The following ZNF518A variants were observed in gnomAD, a reference collection of about 807,000 sequenced individuals.
ZNF518A encodes zinc finger protein 518A, also known as zinc finger protein 518.
In ZNF518A, 47 loss-of-function variants were observed where a neutral mutation model predicts 102.7. That is an observed-to-expected ratio of 0.46 (90% confidence interval 0.36 to 0.58). ZNF518A has a LOEUF of 0.58. ZNF518A is among the 20% of genes least tolerant of loss of function. ZNF518A has a pLI of 0.00. For missense variants in ZNF518A, 1,793 were observed against 1,699.8 expected, an observed-to-expected ratio of 1.05 and a Z score of -0.96; for synonymous variants, 652 against 594.6, an observed-to-expected ratio of 1.10 and a Z score of -1.40.
chr10:96,192,273 G>C (rs1248570487), intron 1 of ZNF518A, among the ~76,000 whole-genome samples: 2 of 152,170 alleles, frequency 1.3e-5, no homozygotes, highest in Non-Finnish European at 2.9e-5. Flanking sequence ...CTTGGACTTT[G>C]CTGTATTAAG....
downstream of ZNF518A, among the ~76,000 whole-genome samples, chr10:96,167,283 A>G (rs2083147223): frequency 6.6e-6 from 1 of 152,104 alleles, no homozygotes. Flanking sequence ...CAAAATGGTG[A>G]AACCCCGTCT....
At chr10:96,147,436 A>G (rs145188559) in intron 3 of ZNF518A, among the ~76,000 whole-genome samples, 23 of 152,236 alleles carry the variant, frequency 1.5e-4, no homozygotes, top group East Asian at 5.8e-4. Context: ...TGATCTCCCA[A>G]TGCATATTAT....
At position 96,159,971 on chromosome 10, in the gene ZNF518A, T is replaced by C. The variant is rs782769561; in HGVS notation, c.3649T>C (p.Ser1217Pro). The change falls in exon 6 of 6, where the codon TCT (serine) becomes CCT (proline). Residue 1217 changes from serine (S) to proline (P), a missense_variant. Physicochemically the swap from Ser to Pro is moderately conservative, Grantham distance 74. Transcript: ENST00000316045. ...AACTTCTACTGCAACATGCCCAGAA[T>C]CTTCTGAGGAACCAATATGTGTCAG... is the stretch of plus-strand genomic sequence containing the variant. ...VITSTATCPESSEEPICVSDC... is the reference protein window; with the variant it reads ...VITSTATCPEPSEEPICVSDC... 1.2e-6 allele frequency: 2 copies of C among 1,613,418 alleles called. No homozygotes were observed. The highest frequency in any genetic ancestry group is 3.3e-5 in the Admixed American group (2 of 59,944).
chr10:96,173,042 A>G (rs587742346), intron 1 of ZNF518A, among the ~76,000 whole-genome samples: 1 of 152,298 alleles, frequency 6.6e-6, no homozygotes, highest in South Asian at 2.1e-4. Context: ...ATACAGTATA[A>G]CAACTATTTA....
intron 1 of ZNF518A, among the ~76,000 whole-genome samples, chr10:96,202,994 G>A (rs1287262305): frequency 2.0e-5 from 3 of 152,210 alleles, no homozygotes; most frequent in Middle Eastern, 3.4e-3. Context: ...CTGCTGCTGC[G>A]CTGTATTTTT....
At chr10:96,166,844 A>C (rs900196376), downstream of ZNF518A, among the ~76,000 whole-genome samples, 4 of 152,226 alleles carry the variant, frequency 2.6e-5, no homozygotes, top group African/African-American at 4.8e-5. Flanking sequence ...AAGACTGTGC[A>C]TGCTGAAGGC....
chr10:96,174,006 T>C (rs1272277603), intron 1 of ZNF518A, among the ~76,000 whole-genome samples: 1 of 151,970 alleles, frequency 6.6e-6, no homozygotes, highest in Non-Finnish European at 1.5e-5. Flanking sequence ...TCATAAATAA[T>C]CAATGAATCA....
At chr10:96,174,907 G>C (rs1436590477) in intron 1 of ZNF518A, among the ~76,000 whole-genome samples, 1 of 152,130 alleles carries the variant, frequency 6.6e-6, no homozygotes, top group Non-Finnish European at 1.5e-5. Context: ...GTTTAGATGA[G>C]GTCGTGAAGA....
chr10:96,197,599 G>GA (rs1181986569), intron 1 of ZNF518A, among the ~76,000 whole-genome samples: 5 of 152,008 alleles, frequency 3.3e-5, no homozygotes, highest in East Asian at 3.9e-4. Flanking sequence ...AGTTGTCTAT[G>GA]AAAAAAAATG....
chr10:96,140,709 T>C (rs1414690801), intron 3 of ZNF518A, among the ~76,000 whole-genome samples: 1 of 151,466 alleles, frequency 6.6e-6, no homozygotes, highest in African/African-American at 2.4e-5. Context: ...GGTAGGCAAA[T>C]TGCTTGAGAC....
chr10:96,177,108 G>A (rs1554891571), intron 1 of ZNF518A, among the ~76,000 whole-genome samples: 1 of 149,452 alleles, frequency 6.7e-6, no homozygotes, highest in African/African-American at 2.5e-5. Context: ...TCACATTTCT[G>A]AAAGCAAGTT....
At chr10:96,204,852 A>C (rs1375348045), downstream of ZNF518A, 3 of 477,598 alleles carry the variant, frequency 6.3e-6, no homozygotes, top group Non-Finnish European at 1.2e-5. Context: ...CTCTGCATTC[A>C]TCCACTGGCA....
chr10:96,200,191 T>A lies in ZNF518A; in HGVS notation n.36-3383T>A, dbSNP rs782682619. 1 of 1,581,714 alleles carries A rather than the reference T, an allele frequency of 6.3e-7. No individual in the cohort carries two copies. Among genetic ancestry groups the A allele is most frequent in the South Asian group, 1.1e-5 (1 of 90,034 alleles). On this transcript the variant is annotated intron_variant and non_coding_transcript_variant, in intron 1 of 2. Coordinates refer to the ZNF518A transcript ENST00000442635. This position sits in a 1 kb window ranked among gnomAD's most constrained non-coding sequence, Gnocchi z 4.3. ...ATGGAGGGCACTGGTCAGCATGGGA[T>A]GGTCCCTACTTAACTCTAATTTCTG... is the stretch of plus-strand genomic sequence containing the variant.
At chr10:96,174,645 G>C (rs587616393) in intron 1 of ZNF518A, among the ~76,000 whole-genome samples, 1 of 152,148 alleles carries the variant, frequency 6.6e-6, no homozygotes, top group South Asian at 2.1e-4. Flanking sequence ...AACCTATGAC[G>C]AGTAAGGTAT....
chr10:96,203,985 C>T (rs1554896806), exon 3 of ZNF518A: 9 of 1,345,050 alleles, frequency 6.7e-6, no homozygotes, highest in Middle Eastern at 1.8e-4. Flanking sequence ...TGTGTTAGAA[C>T]CCAGGCCTAT....
chr10:96,170,529 A>T (rs2083167270), intron 1 of ZNF518A, among the ~76,000 whole-genome samples: 2 of 152,226 alleles, frequency 1.3e-5, no homozygotes, highest in Admixed American at 6.5e-5. Context: ...AGAGTAACTT[A>T]AAATACCACA....
rs587647440 is a variant in ZNF518A, at chr10:96,143,038, C to T, written c.-302+9390C>T. ...GGCCAGGCTGTTCTTGAACTCCTAA[C>T]CTCAGGTGATCCGCCCGCTTTGGCC... On this transcript the variant is annotated intron_variant, in intron 3 of 5. Transcript: ENST00000316045. 5.9e-5 allele frequency among the ~76,000 whole-genome samples: 9 copies of T among 152,204 alleles called. No homozygotes were observed. The South Asian group carries it at 1.5e-3, about 25-fold the overall frequency.
chr10:96,191,632 T>G, intron 1 of ZNF518A: 1 of 218,402 alleles, frequency 4.6e-6, no homozygotes, highest in Non-Finnish European at 9.2e-6. Flanking sequence ...TTGTGGAGGT[T>G]TAAATTTCCA....
At chr10:96,133,830 G>T (rs2081460213) in intron 3 of ZNF518A, among the ~76,000 whole-genome samples, 182 bp downstream of exon 3, 1 of 152,184 alleles carries the variant, frequency 6.6e-6, no homozygotes, top group Admixed American at 6.5e-5. Context: ...ACAAAGGCAT[G>T]AATTTTTATT....
Sources: allele counts gnomAD v4.1 joint callset (sites outside exome capture counted in the v4.1 genomes callset), GRCh38; gene constraint gnomAD v4.1.1; non-coding constraint Gnocchi (gnomAD v3.1); transcripts MANE v1.5; gene names NCBI Gene and HGNC (gene_info 2026-07-23, HGNC 2026-07-21).